Variants in SDK1 observed in about 807,000 individuals in gnomAD.
SDK1 encodes protein sidekick-1.
In SDK1, 157 loss-of-function variants were observed where a neutral mutation model predicts 245.5. That is an observed-to-expected ratio of 0.64 (90% CI 0.56 to 0.73). SDK1 has a LOEUF of 0.73. Ranked by LOEUF, SDK1 falls within the 30% of genes least tolerant of loss-of-function variation. The pLI is 0.00. For synonymous variants in SDK1, 1,647 were observed against 1,278.5 expected (o/e 1.29, Z -6.15); for missense variants, 3,583 against 3,002.3 (o/e 1.19, Z -4.52).
intron 4 of SDK1, among the ~76,000 whole-genome samples, chr7:3,710,898 A>G (rs910901510): frequency 2.0e-5 from 3 of 152,206 alleles, no homozygotes; most frequent in African/African-American, 7.2e-5. Flanking sequence ...TGATATCTTT[A>G]TTACTGTGGC....
chr7:3,795,836 A>G (rs1432494364), intron 4 of SDK1, among the ~76,000 whole-genome samples: 1 of 152,190 alleles, frequency 6.6e-6, no homozygotes, highest in Admixed American at 6.5e-5. Context: ...AGTAGTAAAA[A>G]TCTGTGAAAT....
chr7:3,805,904 G>A (rs1208628344), intron 4 of SDK1, among the ~76,000 whole-genome samples: 1 of 152,122 alleles, frequency 6.6e-6, no homozygotes, highest in African/African-American at 2.4e-5. Flanking sequence ...TCACCTCCTT[G>A]TAGCTGGCCT....
At chr7:3,640,246 A>G (rs1007079555) in intron 3 of SDK1, among the ~76,000 whole-genome samples, 1 of 152,258 alleles carries the variant, frequency 6.6e-6, no homozygotes, top group African/African-American at 2.4e-5. Context: ...ATTTTAATAT[A>G]TCATTATAAA....
intron 4 of SDK1, among the ~76,000 whole-genome samples, chr7:3,715,728 C>G: frequency 6.6e-6 from 1 of 151,998 alleles, no homozygotes; most frequent in African/African-American, 2.4e-5. Flanking sequence ...ATATCGAAAA[C>G]GTCCACAGAG....
Position 4,203,537 on chromosome 7 carries a change from A to ATT in SDK1, c.5099-2342_5099-2341insTT, listed in dbSNP as rs1302429115. On this transcript the variant is annotated intron_variant, in intron 35 of 44. Transcript: ENST00000404826. ...TAATTTCATGTATTTTTTTTTTAAA[A>ATT]AAAAAAAGCTTCCAAGCTGGTATGT... 1.0e-3 allele frequency among the ~76,000 whole-genome samples: 142 copies of ATT among 139,420 alleles called. No homozygotes were observed. The Middle Eastern group carries it at 0.015, about 15-fold the overall frequency. 91.5% of individuals were successfully genotyped at this position (139,420 alleles called of 152,430 possible).
intron 1 of SDK1, among the ~76,000 whole-genome samples, chr7:3,480,628 C>T (rs1360171775): frequency 1.3e-5 from 2 of 152,244 alleles, no homozygotes; most frequent in Non-Finnish European, 2.9e-5. Context: ...CTTTTAAAAG[C>T]TTCTCTTGTC....
intron 1 of SDK1, among the ~76,000 whole-genome samples, chr7:3,531,941 C>T (rs1332775756): frequency 1.3e-5 from 2 of 152,214 alleles, no homozygotes; most frequent in Non-Finnish European, 2.9e-5. Flanking sequence ...TTCAGTAACA[C>T]ACCATTTATC....
chr7:3,735,616 G>A (rs949155796), intron 4 of SDK1, among the ~76,000 whole-genome samples: 6 of 152,160 alleles, frequency 3.9e-5, no homozygotes, highest in African/African-American at 1.4e-4. Context: ...GAATGATGCC[G>A]TTATGAACGT....
At chr7:4,054,883 G>A (rs537257577) in intron 19 of SDK1, among the ~76,000 whole-genome samples, 1 of 152,072 alleles carries the variant, frequency 6.6e-6, no homozygotes, top group African/African-American at 2.4e-5. Context: ...TTCTTAGCTT[G>A]TTGGTCTGTT....
chr7:3,612,249 T>C (rs931363539), intron 1 of SDK1, among the ~76,000 whole-genome samples: 1 of 152,134 alleles, frequency 6.6e-6, no homozygotes, highest in Non-Finnish European at 1.5e-5. Flanking sequence ...AATAAAAAAA[T>C]TAAAAATCCT....
At chr7:4,006,772 G>T (rs557607338) in intron 14 of SDK1, among the ~76,000 whole-genome samples, 17 of 152,332 alleles carry the variant, frequency 1.1e-4, no homozygotes, top group Admixed American at 7.8e-4. Context: ...AGATGCAGAG[G>T]TAATTAATAG....
chr7:3,584,449 C>T (rs141845352), intron 1 of SDK1, among the ~76,000 whole-genome samples: 112 of 152,252 alleles, frequency 7.4e-4, no homozygotes, highest in Non-Finnish European at 1.1e-3. Context: ...TAAAATGCTG[C>T]AAACAGGGTT....
At chr7:3,410,768 G>C (rs374946795) in intron 1 of SDK1, among the ~76,000 whole-genome samples, 4 of 151,780 alleles carry the variant, frequency 2.6e-5, no homozygotes, top group Non-Finnish European at 5.9e-5. Context: ...TGTATTTTCA[G>C]TAGAGACAGG....
At chr7:4,164,580 T>A (rs758708701) in intron 32 of SDK1, among the ~76,000 whole-genome samples, 5 of 152,234 alleles carry the variant, frequency 3.3e-5, no homozygotes, top group Non-Finnish European at 7.3e-5. Context: ...AATTCACATT[T>A]TCTTTGTAGA....
chr7:3,304,280 C>G (rs554167585), intron 1 of SDK1, among the ~76,000 whole-genome samples: 6 of 152,184 alleles, frequency 3.9e-5, no homozygotes, highest in Non-Finnish European at 7.3e-5. Context: ...TCCTAAAAAG[C>G]CAAGTCTTTA....
At chr7:4,021,642 G>T (rs189551356) in intron 17 of SDK1, among the ~76,000 whole-genome samples, 1 of 152,286 alleles carries the variant, frequency 6.6e-6, no homozygotes, top group Non-Finnish European at 1.5e-5. Context: ...ACTCTAGAAG[G>T]CAACAAGGAG....
intron 4 of SDK1, among the ~76,000 whole-genome samples, chr7:3,718,162 A>G (rs1358300117): frequency 6.6e-6 from 1 of 152,098 alleles, no homozygotes; most frequent in Admixed American, 6.5e-5. Flanking sequence ...CCAGAGAAGA[A>G]ACTTTATGAG....
intron 1 of SDK1, among the ~76,000 whole-genome samples, chr7:3,332,204 A>G (rs530817298): frequency 6.6e-6 from 1 of 152,324 alleles, no homozygotes; most frequent in Admixed American, 6.5e-5. Context: ...AAACTTTAAA[A>G]AATTTCTTTA....
intron 1 of SDK1, among the ~76,000 whole-genome samples, chr7:3,317,864 G>A (rs1441622855): frequency 1.3e-5 from 2 of 152,082 alleles, no homozygotes; most frequent in Admixed American, 6.5e-5. Context: ...AGTTTTTTAA[G>A]TTTTTGTGGT....
Sources: gnomAD v4.1 joint callset for allele counts (sites outside exome capture counted in the v4.1 genomes callset) on GRCh38, gnomAD v4.1.1 for gene constraint, MANE v1.5 for transcripts, NCBI Gene and HGNC (gene_info 2026-07-23, HGNC 2026-07-21) for gene names.